TESK2: variants seen among roughly 807,000 people sequenced by gnomAD.
The protein encoded by TESK2 is dual specificity testis-specific protein kinase 2.
In TESK2, 39 loss-of-function variants were observed where a neutral mutation model predicts 57.1. The observed-to-expected ratio is 0.68, with a 90% CI of 0.53 to 0.89. TESK2 has a LOEUF of 0.89. Ranked by LOEUF, TESK2 falls within the 40% of genes least tolerant of loss-of-function variation. TESK2 has a pLI of 0.00. For synonymous variants in TESK2, 249 were observed against 267.9 expected, an observed-to-expected ratio of 0.93 and a Z score of 0.69; for missense variants, 646 against 732.1, an observed-to-expected ratio of 0.88 and a Z score of 1.36.
At chr1:45,436,178 CTTCTTT>C (rs1557573092) in intron 2 of TESK2, among the ~76,000 whole-genome samples, 1 of 12,970 alleles carries the variant, frequency 7.7e-5, no homozygotes, top group African/African-American at 1.8e-4. Flanking sequence ...ACATTGGTAT[CTTCTTT>C]TTTTTTTTTT....
chr1:45,481,381 AG>A (rs1259780799), intron 1 of TESK2, among the ~76,000 whole-genome samples: 1 of 152,074 alleles, frequency 6.6e-6, no homozygotes, highest in Admixed American at 6.6e-5. Context: ...AAAATAAGCA[AG>A]ATTGGGGGTG....
chr1:45,446,976 G>A (rs1651671413), intron 2 of TESK2, among the ~76,000 whole-genome samples: 1 of 152,202 alleles, frequency 6.6e-6, no homozygotes, highest in Non-Finnish European at 1.5e-5. Context: ...CCAGTACTTT[G>A]GGAAGCCAAG....
intron 1 of TESK2, among the ~76,000 whole-genome samples, chr1:45,489,471 AG>A (rs1653627271): frequency 6.6e-6 from 1 of 152,224 alleles, no homozygotes; most frequent in Non-Finnish European, 1.5e-5. Context: ...CCAAATTTCC[AG>A]ATACCCACAG....
chr1:45,377,348 G>A (rs984761715), intron 4 of TESK2, among the ~76,000 whole-genome samples: 7 of 150,478 alleles, frequency 4.7e-5, no homozygotes, highest in East Asian at 1.9e-4. Flanking sequence ...ACGGCGGACC[G>A]ATTAAATTCA....
At chr1:45,449,405 C>T (rs1651784783) in intron 2 of TESK2, among the ~76,000 whole-genome samples, 1 of 152,064 alleles carries the variant, frequency 6.6e-6, no homozygotes, top group Non-Finnish European at 1.5e-5. Flanking sequence ...TGCGTGTTGA[C>T]AGCAGCTTTA....
chr1:45,354,828 A>G (rs1228997506), intron 5 of TESK2, among the ~76,000 whole-genome samples: 2 of 70,072 alleles, frequency 2.9e-5, no homozygotes, highest in African/African-American at 5.9e-5. Context: ...ATATATATAT[A>G]TATATATATA....
chr1:45,445,656 A>G (rs901100238), intron 2 of TESK2, among the ~76,000 whole-genome samples: 37 of 149,408 alleles, frequency 2.5e-4, no homozygotes, highest in African/African-American at 7.6e-4. Context: ...ATCAGTGGGC[A>G]TGGCAGCATG....
At chr1:45,484,528 G>C (rs1653376184) in intron 1 of TESK2, among the ~76,000 whole-genome samples, 1 of 151,084 alleles carries the variant, frequency 6.6e-6, no homozygotes, top group Admixed American at 6.6e-5. Flanking sequence ...TTGAGGTCAG[G>C]AGTTCAAGTC....
At chr1:45,347,723 CT>C (rs1647166715) in intron 6 of TESK2, 30 bp from the exon 7 acceptor site, 4 of 1,609,006 alleles carry the variant, frequency 2.5e-6, no homozygotes, top group Middle Eastern at 1.7e-4. Flanking sequence ...AGAAAATGAG[CT>C]TGCCAATGGC....
At position 45,457,639 on chromosome 1, in the gene TESK2, G is replaced by A. The variant is rs1218741515; in HGVS notation, c.147C>T (p.Ala49=). The A allele has an allele frequency of 9.3e-6, 15 of 1,613,962 alleles. No individual in the cohort carries two copies. The highest frequency in any genetic ancestry group is 1.3e-5 in the Non-Finnish European group (15 of 1,180,026). Residue 49 remains alanine, a synonymous_variant, in exon 2 of 11, where the codon GCC becomes GCT. Transcript: ENST00000372086. ...WPSSYRALIS[A]FSRLTRLDDF... is the part of the protein sequence containing the mutation. ...CATCCAAACGCGTCAGTCTGGAAAA[G>A]GCACTTATAAGAGCTCGATACGAAG...
chr1:45,466,667 A>ATATATAT (rs898155795), intron 1 of TESK2, among the ~76,000 whole-genome samples: 22 of 148,300 alleles, frequency 1.5e-4, no homozygotes, highest in Non-Finnish European at 2.4e-4. Flanking sequence ...AATAATAATA[A>ATATATAT]TATATATTAT....
At chr1:45,465,172 G>T (rs1459250601) in intron 1 of TESK2, among the ~76,000 whole-genome samples, 1 of 151,970 alleles carries the variant, frequency 6.6e-6, no homozygotes, top group Non-Finnish European at 1.5e-5. Context: ...GGAGGCGAAG[G>T]TTGCAATGAG....
intron 1 of TESK2, among the ~76,000 whole-genome samples, chr1:45,476,647 G>A (rs943654137): frequency 7.9e-5 from 12 of 151,482 alleles, no homozygotes; most frequent in South Asian, 2.1e-4. Flanking sequence ...GGAGATCAAG[G>A]CCATCCTGGC....
chr1:45,347,687 C>T lies in TESK2; in HGVS notation c.630G>A (p.Gly210=). 6.2e-7 allele frequency: 1 copy of T among 1,614,142 alleles called. No individual in the cohort carries two copies. ...AACCCACCACGGCCAGCTTCTCACT[C>T]CCCATGCTGTGGGGTGAGATTATAC... ...LAEKIPDVSM[G]SEKLAVVGSP... is the part of the protein sequence containing the mutation. The change falls in exon 7 of 11, where the codon GGG becomes GGA. Residue 210 remains glycine (G), a synonymous_variant. Coordinates refer to ENST00000372086, the MANE Select transcript of TESK2 (RefSeq NM_007170.3).
At chr1:45,358,999 G>A (rs1320918896) in intron 4 of TESK2, among the ~76,000 whole-genome samples, 2 of 152,036 alleles carry the variant, frequency 1.3e-5, no homozygotes, top group East Asian at 1.9e-4. Context: ...TCCTCCCAAG[G>A]GAGAAAAAGA....
Position 45,372,061 on chromosome 1 carries a change from C to A in TESK2, c.393+13851G>T, listed in dbSNP as rs190437256. Among the ~76,000 whole-genome samples the A allele has an allele frequency of 2.9e-3, 444 of 152,018 alleles. 4 individuals are homozygous for A. The highest frequency in any genetic ancestry group is 5.7e-4 in the Non-Finnish European group (39 of 67,950). On this transcript the variant is annotated intron_variant, in intron 4 of 10. Coordinates refer to ENST00000372086, the MANE Select transcript of TESK2 (RefSeq NM_007170.3). ...CCCAGGAGTTTGAGACCAGCCTGGG[C>A]AACTTAGCGAGACCTCATATTTACA...
intron 2 of TESK2, among the ~76,000 whole-genome samples, chr1:45,427,892 AAC>A (rs1432640405): frequency 2.0e-5 from 3 of 152,220 alleles, no homozygotes; most frequent in Non-Finnish European, 4.4e-5. Context: ...ATTTTAAAAT[AAC>A]AGAGTATAAT....
intron 4 of TESK2, among the ~76,000 whole-genome samples, chr1:45,383,090 T>C (rs1452060198): frequency 6.6e-6 from 1 of 152,212 alleles, no homozygotes; most frequent in African/African-American, 2.4e-5. Context: ...TTGTCTACTG[T>C]AATTATTGAC....
chr1:45,467,546 G>T (rs1316329511), intron 1 of TESK2, among the ~76,000 whole-genome samples: 1 of 151,716 alleles, frequency 6.6e-6, no homozygotes, highest in Non-Finnish European at 1.5e-5. Flanking sequence ...TGGTCAGGCT[G>T]GTCTCAAACT....
Sources: gnomAD v4.1 joint callset for allele counts (sites outside exome capture counted in the v4.1 genomes callset) on GRCh38, gnomAD v4.1.1 for gene constraint, MANE v1.5 for transcripts, NCBI Gene and HGNC (gene_info 2026-07-23, HGNC 2026-07-21) for gene names.